SLC6A12: variants seen among roughly 807,000 people sequenced by gnomAD.
SLC6A12 encodes the protein sodium- and chloride-dependent betaine transporter.
A neutral mutation model predicts 73.3 loss-of-function variants in SLC6A12; 50 were observed. The observed-to-expected ratio is 0.68, with a 90% CI of 0.54 to 0.86. The LOEUF is 0.86. Among genes scored for constraint, SLC6A12 ranks in the 40% least tolerant of loss-of-function variants. SLC6A12 has a pLI of 0.00. For missense variants in SLC6A12, 648 were observed against 772.8 expected, an observed-to-expected ratio of 0.84 and a Z score of 1.92; for synonymous variants, 304 against 309.2, an observed-to-expected ratio of 0.98 and a Z score of 0.18.
chr12:187,539 G>C (rs894831109), downstream of SLC6A12, among the ~76,000 whole-genome samples: 12 of 132,942 alleles, frequency 9.0e-5, no homozygotes, highest in African/African-American at 2.8e-4. Context: ...ACCTCATAAA[G>C]GCAGAGTAGA....
chr12:185,478 G>T (rs958916126), downstream of SLC6A12, among the ~76,000 whole-genome samples: 1 of 152,212 alleles, frequency 6.6e-6, no homozygotes, highest in African/African-American at 2.4e-5. Context: ...CCTTTTGGAT[G>T]TGACAGCCAC....
Position 198,094 on chromosome 12 carries a change from G to C in SLC6A12, c.847-91C>G, listed in dbSNP as rs1940017420. ...TCCAGACCCGTCCCCTGCAGCACCA[G>C]CCTGGCCCCTCAGTGCTCCCTGAGC... is the stretch of plus-strand genomic sequence containing the variant. On this transcript the variant is annotated intron_variant, in intron 8 of 15. Transcript: ENST00000684302. The surrounding 1 kb of genome is among the most constrained non-coding windows in gnomAD (Gnocchi z 4.0). The C allele has an allele frequency of 1.0e-6, 1 of 992,576 alleles. No homozygotes were observed. Among genetic ancestry groups the C allele is most frequent in the African/African-American group, 1.6e-5 (1 of 62,252 alleles). The allele number at this position is 992,576 out of a possible 1,614,324, so 61.5% of individuals were successfully genotyped here.
At chr12:207,123 G>A (rs150092411) in intron 3 of SLC6A12, among the ~76,000 whole-genome samples, 254 of 152,368 alleles carry the variant, frequency 1.7e-3, no homozygotes, top group Admixed American at 2.5e-3. Context: ...TTTTTAGAAC[G>A]CTGACACTGC....
At chr12:204,314 G>T (rs555855214) in intron 4 of SLC6A12, 2 of 490,708 alleles carry the variant, frequency 4.1e-6, no homozygotes, top group South Asian at 4.9e-5. Context: ...GTTGCCCCAA[G>T]AGGCATCAGC....
chr12:209,082 C>A (rs1211873013), intron 3 of SLC6A12, among the ~76,000 whole-genome samples: 1 of 152,172 alleles, frequency 6.6e-6, no homozygotes, highest in Non-Finnish European at 1.5e-5. Context: ...TCCATCCCAG[C>A]CACACCTGCC....
the SLC6A12 span, among the ~76,000 whole-genome samples, chr12:184,701 G>C: frequency 6.6e-6 from 1 of 152,130 alleles, no homozygotes; most frequent in African/African-American, 2.4e-5. Context: ...AATGAGCTGA[G>C]ATGGCGCCAC....
intron 13 of SLC6A12, 57 bp from the exon 14 acceptor site, chr12:193,434 G>A (rs983083155): frequency 2.2e-6 from 3 of 1,378,576 alleles, no homozygotes; most frequent in Non-Finnish European, 2.1e-6. Flanking sequence ...CAGCTTCCCG[G>A]TGTTTGGGAA....
chr12:187,589 C>CAAAAAAAAA (rs761187495), downstream of SLC6A12, among the ~76,000 whole-genome samples: 56 of 106,026 alleles, frequency 5.3e-4, 3 homozygotes, highest in African/African-American at 1.1e-3. Flanking sequence ...TGCAAAAGAG[C>CAAAAAAAAA]AAAAAAAAAA....
intron 12 of SLC6A12, among the ~76,000 whole-genome samples, chr12:195,923 G>A (rs951805010): frequency 1.3e-5 from 2 of 152,190 alleles, no homozygotes; most frequent in Admixed American, 1.3e-4. Context: ...GCTTAAGCCA[G>A]CTGTATTGGT....
In SLC6A12 at chr12:190,090, A is replaced by G. The variant is rs1278459252; in HGVS notation, c.*978T>C. On this transcript the variant is annotated 3_prime_UTR_variant, in exon 16 of 16. Transcript: ENST00000684302. ...AGGAGACCAGCACGCATGGAAGGCA[A>G]TCCATACACACTTGTTAACTAAGGC... The G allele has an allele frequency of 1.3e-5, 2 of 152,348 alleles. No individual in the cohort carries two copies. Among genetic ancestry groups the G allele is most frequent in the African/African-American group, 2.4e-5 (1 of 41,462 alleles). 9.4% of individuals were successfully genotyped at this position (152,348 alleles called of 1,614,324 possible).
At chr12:203,648 G>A (rs940021516) in intron 4 of SLC6A12, 4 of 152,208 alleles carry the variant, frequency 2.6e-5, no homozygotes, top group African/African-American at 9.6e-5. Flanking sequence ...GGAACGCGCT[G>A]TGCTCGCGGC....
rs1165241501 is a variant in SLC6A12 at position 204,414 on chromosome 12, G to A, written c.349+150C>T. ...GTGTTTCCCCACCAGGCTCTCTCCG[G>A]CCCACCCATGAAGCCTGATTCTGCA... On this transcript the variant is annotated intron_variant, in intron 4 of 15. Coordinates refer to ENST00000684302, the MANE Select transcript of SLC6A12 (RefSeq NM_001122848.3). 10 of 780,552 alleles carry A rather than the reference G, an allele frequency of 1.3e-5. No individual in the cohort carries two copies. The East Asian group carries it at 2.6e-4, about 20-fold the overall frequency. The allele number at this position is 780,552 out of a possible 1,614,324, so 48.4% of individuals were successfully genotyped here. A position where few individuals can be genotyped will look rare whatever the true frequency, so the allele number is the denominator to read the frequency against.
chr12:198,922 A>G lies in SLC6A12; in HGVS notation c.721T>C (p.Phe241Leu). 6.2e-7 allele frequency: 1 copy of G among 1,614,178 alleles called. No homozygotes were observed. The highest frequency in any genetic ancestry group is 8.5e-7 in the Non-Finnish European group (1 of 1,180,012). The part of the protein sequence containing the change: ...GVKSTGKVVY[F>L]TATFPYLMLV... ...ATCAGGTACGGAAACGTGGCTGTGAAATAAACCACCTGGAGGTGGGGGGAC... is the reference window on the plus strand; with the variant it reads ...ATCAGGTACGGAAACGTGGCTGTGAGATAAACCACCTGGAGGTGGGGGGAC... Residue 241 changes from phenylalanine to leucine, a missense_variant, in exon 8 of 16, where the codon TTC becomes CTC. By Grantham distance (22) the Phe-to-Leu change is conservative (BLOSUM62 0). Transcript: ENST00000684302. The surrounding 1 kb of genome is among the most constrained non-coding windows in gnomAD (Gnocchi z 4.0).
intron 10 of SLC6A12, 126 bp from the exon 11 acceptor site, chr12:197,008 A>T: frequency 2.0e-6 from 1 of 491,986 alleles, no homozygotes; most frequent in Non-Finnish European, 3.7e-6. Context: ...GGGTGATTCC[A>T]TCCACTGTTC....
chr12:198,904 A>G lies in SLC6A12; in HGVS notation c.739T>C (p.Tyr247His), dbSNP rs745963400. The change falls in exon 8 of 16, where the codon TAC becomes CAC. Residue 247 changes from tyrosine to histidine, a missense_variant. Coordinates refer to ENST00000684302, the MANE Select transcript of SLC6A12 (RefSeq NM_001122848.3). This position sits in a 1 kb window ranked among gnomAD's most constrained non-coding sequence, Gnocchi z 4.0. Reference protein sequence around the residue: ...KVVYFTATFPYLMLVILLIRG... With the variant: ...KVVYFTATFPHLMLVILLIRG... ...ATCAGCAAAATGACAAGCATCAGGTACGGAAACGTGGCTGTGAAATAAACC... is the reference window on the plus strand; with the variant it reads ...ATCAGCAAAATGACAAGCATCAGGTGCGGAAACGTGGCTGTGAAATAAACC... 2.5e-6 allele frequency: 4 copies of G among 1,614,202 alleles called. No individual in the cohort carries two copies. The Admixed American group carries it at 6.7e-5, about 27-fold the overall frequency.
chr12:200,396 C>CCG (rs879445050), intron 7 of SLC6A12, among the ~76,000 whole-genome samples: 2,044 of 152,310 alleles, frequency 0.013, 20 homozygotes, highest in Non-Finnish European at 0.017. Context: ...GCGTGAGCCA[C>CCG]TGCACCCGGC....
chr12:188,191 G>C (rs1181716246), downstream of SLC6A12, among the ~76,000 whole-genome samples: 5 of 152,216 alleles, frequency 3.3e-5, no homozygotes, highest in African/African-American at 9.6e-5. Flanking sequence ...GGGGAGGCTC[G>C]GGCCGCACAG....
intron 2 of SLC6A12, chr12:210,328 C>T: frequency 8.4e-7 from 1 of 1,192,698 alleles, no homozygotes. Flanking sequence ...TTTCATGTCC[C>T]TTTTTATCTG....
downstream of SLC6A12, among the ~76,000 whole-genome samples, chr12:188,116 C>T (rs990367635): frequency 1.3e-5 from 2 of 152,226 alleles, no homozygotes; most frequent in African/African-American, 2.4e-5. Flanking sequence ...TCCGTGCGCC[C>T]GCACTTCTCA....
Sources: gnomAD v4.1 joint callset for allele counts (sites outside exome capture counted in the v4.1 genomes callset) on GRCh38, gnomAD v4.1.1 for gene constraint, Gnocchi (gnomAD v3.1) non-coding constraint, MANE v1.5 for transcripts, NCBI Gene and HGNC (gene_info 2026-07-23, HGNC 2026-07-21) for gene names.